SLC26A7: variants seen among roughly 807,000 people sequenced by gnomAD.
SLC26A7 encodes solute carrier family 26 member 7, also known as anion exchange transporter.
Under a neutral mutation model 82.5 loss-of-function variants are expected in SLC26A7, and 59 were observed. That is an observed-to-expected ratio of 0.72 (90% CI 0.58 to 0.89). The LOEUF is 0.89. SLC26A7 is among the 40% of genes least tolerant of loss of function. The pLI, the probability that SLC26A7 is intolerant of heterozygous loss-of-function variation, is 0.00. For missense variants in SLC26A7, 820 were observed against 793.0 expected, an observed-to-expected ratio of 1.03 and a Z score of -0.41; for synonymous variants, 271 against 274.3, an observed-to-expected ratio of 0.99 and a Z score of 0.12.
At chr8:91,239,749 A>G (rs1366600193) in intron 2 of SLC26A7, among the ~76,000 whole-genome samples, 1 of 152,234 alleles carries the variant, frequency 6.6e-6, no homozygotes, top group Non-Finnish European at 1.5e-5. Context: ...GGATTGACAC[A>G]GATGGATTTG....
At chr8:91,209,660 A>T (rs1809870197) in intron 1 of SLC26A7, 1 of 152,160 alleles carries the variant, frequency 6.6e-6, no homozygotes, top group Non-Finnish European at 1.5e-5. Context: ...AGGATGTAAA[A>T]TTAGTCTGTC....
chr8:91,381,393 A>G (rs1814666985), intron 15 of SLC26A7, among the ~76,000 whole-genome samples: 1 of 152,172 alleles, frequency 6.6e-6, no homozygotes, highest in African/African-American at 2.4e-5. Context: ...CCACATTAAC[A>G]TGGATGCATC....
Position 91,395,185 on chromosome 8 carries a change from A to T in SLC26A7, c.*88A>T. 6.3e-7 allele frequency: 1 copy of T among 1,595,142 alleles called. No homozygotes were observed. On this transcript the variant is annotated 3_prime_UTR_variant, in exon 19 of 19. Coordinates refer to ENST00000276609, the MANE Select transcript of SLC26A7 (RefSeq NM_052832.4). ...ATTTTGCACAACTTTTTGGTTGTTT[A>T]GATCCTACAGATGACCTCTGCTACA...
chr8:91,278,712 A>G (rs1440397151), intron 2 of SLC26A7, among the ~76,000 whole-genome samples: 2 of 152,154 alleles, frequency 1.3e-5, no homozygotes, highest in East Asian at 1.9e-4. Flanking sequence ...GGCTAAATCA[A>G]GCTAATTAAC....
intron 8 of SLC26A7, 196 bp from the exon 9 acceptor site, chr8:91,343,157 G>T: frequency 1.9e-6 from 1 of 529,644 alleles, no homozygotes; most frequent in Non-Finnish European, 3.4e-6. Context: ...AATGAGTAAA[G>T]TGCTTGAGAA....
chr8:91,242,497 C>T (rs1274118626), intron 2 of SLC26A7, among the ~76,000 whole-genome samples: 4 of 152,024 alleles, frequency 2.6e-5, no homozygotes, highest in Non-Finnish European at 5.9e-5. Context: ...ATGTTAAAGC[C>T]CTAGCCCCCA....
intron 2 of SLC26A7, among the ~76,000 whole-genome samples, chr8:91,230,817 A>G (rs1032703047): frequency 1.3e-5 from 2 of 152,212 alleles, no homozygotes; most frequent in Non-Finnish European, 2.9e-5. Flanking sequence ...TGGCAACAAC[A>G]CGGAAGATGA....
rs765507765 is a variant in SLC26A7, at chr8:91,318,385, G to GAA, written c.642+5_642+6insAA. The GAA allele has an allele frequency of 3.1e-6, 5 of 1,595,274 alleles. No homozygotes were observed. In the South Asian group the frequency reaches 5.6e-5, roughly 18 times the overall value. On this transcript the variant is annotated splice_donor_region_variant and intron_variant, in intron 5 of 18. Coordinates refer to ENST00000276609, the MANE Select transcript of SLC26A7 (RefSeq NM_052832.4). The stretch of plus-strand genomic sequence containing the variant: ...GGACCACTTGGATTCTTTTATGTGA[G>GAA]TTTTTCGTATGCTTTCATACATATC...
At chr8:91,395,039 T>TA (rs1478235774) in intron 18 of SLC26A7, 23 bp from the exon 19 acceptor site, 2 of 1,612,150 alleles carry the variant, frequency 1.2e-6, no homozygotes, top group Non-Finnish European at 1.7e-6. Flanking sequence ...AGCACATACT[T>TA]ACTTCTTCCT....
chr8:91,342,115 A>G (rs535960648), intron 8 of SLC26A7, among the ~76,000 whole-genome samples: 1 of 151,574 alleles, frequency 6.6e-6, no homozygotes, highest in Admixed American at 6.6e-5. Flanking sequence ...CATTTTTTAA[A>G]CATGGGGGTC....
At chr8:91,311,858 A>G (rs552124800) in intron 4 of SLC26A7, among the ~76,000 whole-genome samples, 4 of 152,160 alleles carry the variant, frequency 2.6e-5, no homozygotes, top group Non-Finnish European at 4.4e-5. Flanking sequence ...TGCTCTCAGT[A>G]TATCAGCACT....
At chr8:91,294,782 G>T (rs1280130373) in intron 3 of SLC26A7, among the ~76,000 whole-genome samples, 1 of 152,160 alleles carries the variant, frequency 6.6e-6, no homozygotes, top group Non-Finnish European at 1.5e-5. Flanking sequence ...CCACAAATGT[G>T]CAAGGCCATG....
intron 2 of SLC26A7, among the ~76,000 whole-genome samples, chr8:91,241,645 AGTT>A (rs1306909385): frequency 6.6e-6 from 1 of 152,048 alleles, no homozygotes; most frequent in Non-Finnish European, 1.5e-5. Context: ...TATACATGAG[AGTT>A]GTTTGGTTAT....
intron 1 of SLC26A7, among the ~76,000 whole-genome samples, chr8:91,211,421 T>G (rs1809915458): frequency 6.6e-6 from 1 of 151,382 alleles, no homozygotes; most frequent in African/African-American, 2.4e-5. Context: ...TATTACTAGA[T>G]GTTAGCAGTT....
At chr8:91,279,135 A>ATATATATATATATATATG (rs1563656874) in intron 2 of SLC26A7, among the ~76,000 whole-genome samples, 101 of 86,328 alleles carry the variant, frequency 1.2e-3, no homozygotes, top group African/African-American at 4.8e-3. Context: ...GTATATATAT[A>ATATATATATATATATATG]TATATATATA....
intron 2 of SLC26A7, among the ~76,000 whole-genome samples, chr8:91,233,532 A>G (rs1245847224): frequency 1.3e-5 from 2 of 151,990 alleles, no homozygotes; most frequent in East Asian, 1.9e-4. Context: ...GTGCCACTGC[A>G]CTCCAGCCTG....
At chr8:91,237,065 A>C (rs965523839) in intron 2 of SLC26A7, among the ~76,000 whole-genome samples, 9 of 152,202 alleles carry the variant, frequency 5.9e-5, no homozygotes, top group African/African-American at 1.4e-4. Flanking sequence ...ACTACCCGCT[A>C]TCATTGACAG....
chr8:91,316,705 A>G (rs1455526701), intron 4 of SLC26A7, among the ~76,000 whole-genome samples: 1 of 151,648 alleles, frequency 6.6e-6, no homozygotes, highest in Non-Finnish European at 1.5e-5. Flanking sequence ...TCTAGTGCTT[A>G]TACTTGTGAA....
At position 91,398,026 on chromosome 8, in the gene SLC26A7, A is replaced by G. The variant is rs777523421; in HGVS notation, c.*2929A>G. ...TTAGTTAAAAATCATGTAGTCTAAT[A>G]TGCTGCAGTTATTTTTTTATATTTT... On this transcript the variant is annotated 3_prime_UTR_variant, in exon 19 of 19. Coordinates refer to ENST00000276609, the MANE Select transcript of SLC26A7 (RefSeq NM_052832.4). 3 of 152,518 alleles carry G rather than the reference A, an allele frequency of 2.0e-5. No homozygotes were observed. The highest frequency in any genetic ancestry group is 4.4e-5 in the Non-Finnish European group (3 of 67,974). The allele number at this position is 152,518 out of a possible 1,614,324, so 9.4% of individuals were successfully genotyped here.
Sources: allele counts gnomAD v4.1 joint callset (sites outside exome capture counted in the v4.1 genomes callset), GRCh38; gene constraint gnomAD v4.1.1; transcripts MANE v1.5; gene names NCBI Gene and HGNC (gene_info 2026-07-23, HGNC 2026-07-21).